CDH13: variants seen among roughly 807,000 people sequenced by gnomAD.
CDH13 encodes the protein cadherin-13.
Under a neutral mutation model 63.8 loss-of-function variants are expected in CDH13, and 24 were observed. The observed-to-expected ratio is 0.38, with a 90% confidence interval of 0.27 to 0.53. The LOEUF (loss-of-function observed/expected upper bound fraction) is 0.53, where lower values mean the gene tolerates loss of function less well. Ranked by LOEUF, CDH13 falls within the 20% of genes least tolerant of loss-of-function variation. The pLI is 0.85. For synonymous variants in CDH13, 503 were observed against 355.3 expected (o/e 1.42, Z -4.67); for missense variants, 1,049 against 903.1 (o/e 1.16, Z -2.07).
In CDH13 at chr16:82,917,048, G is replaced by A. The variant is rs535489645; in HGVS notation, c.157+58575G>A. ...CAAACATAAGGAGGCAAATAAAAGG[G>A]CATAGCCTTTGTCTTTTAAACCACT... On this transcript the variant is annotated intron_variant, in intron 2 of 13. Transcript: ENST00000567109. Among the ~76,000 whole-genome samples the A allele has an allele frequency of 5.3e-5, 8 of 152,300 alleles. No individual in the cohort carries two copies. The South Asian group carries it at 1.7e-3, about 32-fold the overall frequency.
At chr16:83,753,506 G>C (rs150427136) in intron 11 of CDH13, among the ~76,000 whole-genome samples, 1 of 152,058 alleles carries the variant, frequency 6.6e-6, no homozygotes, top group African/African-American at 2.4e-5. Flanking sequence ...AGATCACACC[G>C]CTGCACTCTA....
chr16:83,771,159 A>G (rs941858050), intron 11 of CDH13, among the ~76,000 whole-genome samples: 1 of 152,072 alleles, frequency 6.6e-6, no homozygotes, highest in Non-Finnish European at 1.5e-5. Flanking sequence ...CGATTCCTCT[A>G]CGTAAATCTT....
intron 1 of CDH13, among the ~76,000 whole-genome samples, chr16:82,851,676 CGT>C (rs3046491): frequency 6.2e-4 from 93 of 149,732 alleles, no homozygotes; most frequent in East Asian, 1.8e-3. Flanking sequence ...CATGTGTGTA[CGT>C]GTGTGTGTGT....
intron 1 of CDH13, among the ~76,000 whole-genome samples, chr16:82,790,108 C>A (rs1456071769): frequency 1.3e-5 from 2 of 152,034 alleles, no homozygotes; most frequent in African/African-American, 2.4e-5. Flanking sequence ...CATGCCTACA[C>A]CCCCCCTCGC....
intron 2 of CDH13, among the ~76,000 whole-genome samples, chr16:83,013,282 C>A (rs768331781): frequency 1.3e-5 from 2 of 152,118 alleles, no homozygotes; most frequent in African/African-American, 4.8e-5. Context: ...AGTAGTGGGC[C>A]GGATTTGACA....
chr16:83,403,486 G>T (rs2091998709), intron 6 of CDH13, among the ~76,000 whole-genome samples: 1 of 152,206 alleles, frequency 6.6e-6, no homozygotes, highest in East Asian at 1.9e-4. Flanking sequence ...AGCCAGGTGT[G>T]GTCGCGCGCG....
chr16:82,838,200 G>A (rs1455363898), intron 1 of CDH13, among the ~76,000 whole-genome samples: 1 of 152,188 alleles, frequency 6.6e-6, no homozygotes, highest in African/African-American at 2.4e-5. Flanking sequence ...CCATCACTGA[G>A]TTCTAATTTC....
intron 2 of CDH13, chr16:82,954,775 A>C (rs2151329000): frequency 6.7e-6 from 1 of 150,354 alleles, no homozygotes; most frequent in South Asian, 2.1e-4. Flanking sequence ...CACTATCCTG[A>C]GTCATACCTC....
At chr16:83,082,687 A>G (rs942665777) in intron 3 of CDH13, among the ~76,000 whole-genome samples, 1 of 152,098 alleles carries the variant, frequency 6.6e-6, no homozygotes, top group Non-Finnish European at 1.5e-5. Flanking sequence ...ATCTCACTAA[A>G]CTGGAGCAAT....
chr16:83,558,552 A>T (rs2075645042), intron 7 of CDH13, among the ~76,000 whole-genome samples: 1 of 152,212 alleles, frequency 6.6e-6, no homozygotes. Context: ...TGGGCACCTT[A>T]AATAATTTAT....
At chr16:82,885,474 T>TCCATCCATCCAC (rs1555535242) in intron 2 of CDH13, among the ~76,000 whole-genome samples, 14 of 96,694 alleles carry the variant, frequency 1.4e-4, no homozygotes, top group Admixed American at 1.2e-3. Flanking sequence ...TACCCATCCA[T>TCCATCCATCCAC]CCATCCACCC....
intron 4 of CDH13, among the ~76,000 whole-genome samples, chr16:83,216,947 C>G (rs2039553928): frequency 6.6e-6 from 1 of 151,992 alleles, no homozygotes; most frequent in African/African-American, 2.4e-5. Context: ...TACCTGGAAT[C>G]TTGATCAATG....
intron 4 of CDH13, among the ~76,000 whole-genome samples, chr16:83,139,495 C>G (rs1264174421): frequency 3.3e-5 from 5 of 152,172 alleles, no homozygotes; most frequent in Non-Finnish European, 7.3e-5. Context: ...TTCACAGGCT[C>G]TGTGTTGCTC....
intron 1 of CDH13, among the ~76,000 whole-genome samples, chr16:82,704,531 C>A (rs1316483393): frequency 6.6e-6 from 1 of 152,180 alleles, no homozygotes; most frequent in Non-Finnish European, 1.5e-5. Context: ...GATAGACAGG[C>A]AAATCAATAA....
At chr16:82,989,996 T>C (rs887959247) in intron 2 of CDH13, 1 of 152,188 alleles carries the variant, frequency 6.6e-6, no homozygotes, top group Non-Finnish European at 1.5e-5. Flanking sequence ...CCAAGGTTTT[T>C]TGAAGCCCAG....
chr16:83,113,458 A>G (rs1402639961), intron 3 of CDH13, among the ~76,000 whole-genome samples: 1 of 152,244 alleles, frequency 6.6e-6, no homozygotes, highest in African/African-American at 2.4e-5. Flanking sequence ...AGTGCTTTTT[A>G]GACACCTGCT....
chr16:82,719,902 A>G (rs991828627), intron 1 of CDH13, among the ~76,000 whole-genome samples: 18 of 150,870 alleles, frequency 1.2e-4, no homozygotes, highest in African/African-American at 4.4e-4. Flanking sequence ...ACTTAACTTC[A>G]TTGCTAGGTT....
chr16:83,076,425 A>G (rs1367673008), intron 3 of CDH13, among the ~76,000 whole-genome samples: 1 of 152,178 alleles, frequency 6.6e-6, no homozygotes, highest in Non-Finnish European at 1.5e-5. Context: ...CCTTGGCTAG[A>G]CAAAGATCCT....
chr16:82,802,085 G>T (rs2036886694), intron 1 of CDH13, among the ~76,000 whole-genome samples: 1 of 145,592 alleles, frequency 6.9e-6, no homozygotes, highest in Non-Finnish European at 1.5e-5. Flanking sequence ...CACTGGGGCA[G>T]CTCACTGGGT....
Sources: gnomAD v4.1 joint callset for allele counts (sites outside exome capture counted in the v4.1 genomes callset) on GRCh38, gnomAD v4.1.1 for gene constraint, MANE v1.5 for transcripts, NCBI Gene and HGNC (gene_info 2026-07-23, HGNC 2026-07-21) for gene names.